The following KCTD13 variants were observed in gnomAD, a reference collection of about 807,000 sequenced individuals.
The protein encoded by KCTD13 is potassium channel tetramerization domain containing 13, also known as BTB/POZ domain-containing adapter for CUL3-mediated RhoA degradation protein 1.
In KCTD13, 15 loss-of-function variants were observed where a neutral mutation model predicts 32.3. The ratio of observed to expected loss-of-function variants is 0.46; its 90% CI spans 0.31 to 0.71. KCTD13 has a LOEUF of 0.71. Among genes scored for constraint, KCTD13 ranks in the 30% least tolerant of loss-of-function variants. The pLI, the probability that KCTD13 is intolerant of heterozygous loss-of-function variation, is 0.05. For missense variants in KCTD13, 337 were observed against 452.6 expected (o/e 0.74, Z 2.32); for synonymous variants, 189 against 200.1 (o/e 0.94, Z 0.47).
chr16:29,918,132 TGAAGA>T (rs2068841983), intron 2 of KCTD13, among the ~76,000 whole-genome samples: 1 of 152,208 alleles, frequency 6.6e-6, no homozygotes, highest in Admixed American at 6.5e-5. Context: ...GTAATAATGT[TGAAGA>T]GAAAAGACTT....
chr16:29,908,406 AC>A (rs1393056031), intron 5 of KCTD13, among the ~76,000 whole-genome samples: 1 of 151,920 alleles, frequency 6.6e-6, no homozygotes, highest in Non-Finnish European at 1.5e-5. Context: ...TTTTCCTGAG[AC>A]AGAGTCTTGC....
Position 29,923,382 on chromosome 16 carries a change from G to T in KCTD13, c.245-23C>A, listed in dbSNP as rs1047722990. 5 of 1,606,328 alleles carry T rather than the reference G, an allele frequency of 3.1e-6. No homozygotes were observed. In the Admixed American group the frequency reaches 5.1e-5, roughly 16 times the overall value. On this transcript the variant is annotated intron_variant, in intron 1 of 5. Transcript: ENST00000568000. The stretch of plus-strand genomic sequence containing the variant: ...AACCTAGTGGGGTGGGGAGAGGCAG[G>T]GGGAAAGATGGCTTTGCTGCGGGAC...
At position 29,911,867 on chromosome 16, in the gene KCTD13, G is replaced by A. The variant is rs758983344; in HGVS notation, c.505C>T (p.Pro169Ser). 1.2e-5 allele frequency: 19 copies of A among 1,612,160 alleles called. No homozygotes were observed. Among genetic ancestry groups the A allele is most frequent in the Non-Finnish European group, 1.6e-5 (19 of 1,179,112 alleles). ...EQQLLASTSK[P>S]VVKLLHNRSN... is the part of the protein sequence containing the mutation. Reference sequence around the variant, plus strand: ...CGGTTGTGCAGGAGCTTCACCACGGGCTGGCGGGGGAGAGAGGATGGACGA... The same window carrying A: ...CGGTTGTGCAGGAGCTTCACCACGGACTGGCGGGGGAGAGAGGATGGACGA... Residue 169 changes from proline to serine, a missense_variant and splice_region_variant, in exon 4 of 6, where the codon CCC (proline) becomes TCC (serine). Pro to Ser is a moderately conservative substitution (Grantham distance 74). Coordinates refer to ENST00000568000, the MANE Select transcript of KCTD13 (RefSeq NM_178863.5).
Position 29,906,733 on chromosome 16 carries a change from T to C in KCTD13, c.*139A>G. ...TGGGATGGGTGGAGAAGGGCCAAAGTGAGCTGTGCCATGCAATGAAGGGAC... is the reference window on the plus strand; with the variant it reads ...TGGGATGGGTGGAGAAGGGCCAAAGCGAGCTGTGCCATGCAATGAAGGGAC... On this transcript the variant is annotated 3_prime_UTR_variant, in exon 6 of 6. Coordinates refer to ENST00000568000, the MANE Select transcript of KCTD13 (RefSeq NM_178863.5). 1.4e-6 allele frequency: 1 copy of C among 717,728 alleles called. No homozygotes were observed. The highest frequency in any genetic ancestry group is 2.7e-5 in the East Asian group (1 of 37,072). 44.5% of individuals were successfully genotyped at this position (717,728 alleles called of 1,614,324 possible).
chr16:29,909,050 G>GATTC (rs35566440), intron 5 of KCTD13, among the ~76,000 whole-genome samples: 45,862 of 151,190 alleles, frequency 0.3, 8,673 homozygotes, highest in Non-Finnish European at 0.43. Flanking sequence ...CTGGGTCACT[G>GATTC]ATTCATTCAT....
Position 29,925,898 on chromosome 16 carries a change from T to C in KCTD13, c.136A>G (p.Asn46Asp). 6.2e-7 allele frequency: 1 copy of C among 1,614,056 alleles called. No homozygotes were observed. The highest frequency in any genetic ancestry group is 8.5e-7 in the Non-Finnish European group (1 of 1,179,964). Residue 46 changes from asparagine to aspartate, a missense_variant, in exon 1 of 6, where the codon AAC becomes GAC. This residue lies in a region of KCTD13 where 21 missense variants were observed against 52.7 expected (regional missense o/e 0.40). Transcript: ENST00000568000. ...LTPNSKYVKL[N>D]VGGSLHYTTL... is the part of the protein sequence containing the mutation. ...GTGTAGTGCAACGAGCCGCCCACGT[T>C]CAGCTTCACGTATTTGCTGTTCGGG...
rs116402273 is a variant in KCTD13, at chr16:29,910,044, G to A, written c.753+934C>T. ...AATCTGGGAGGCAGAGGTTAAGTGA[G>A]CTGAGATCACACCATTGCACTGCAG... On this transcript the variant is annotated intron_variant, in intron 5 of 5. Transcript: ENST00000568000. 3.6e-3 allele frequency among the ~76,000 whole-genome samples: 536 copies of A among 149,986 alleles called. 7 individuals are homozygous for A. The highest frequency in any genetic ancestry group is 0.011 in the African/African-American group (460 of 40,624).
intron 1 of KCTD13, among the ~76,000 whole-genome samples, chr16:29,925,191 G>A (rs1387450812): frequency 6.6e-6 from 1 of 152,130 alleles, no homozygotes; most frequent in Non-Finnish European, 1.5e-5. Context: ...CTCCAAGAAG[G>A]TAAGGTTCAC....
chr16:29,910,908 C>T (rs1341335360), intron 5 of KCTD13, 70 bp downstream of exon 5: 3 of 1,467,082 alleles, frequency 2.0e-6, no homozygotes, highest in Non-Finnish European at 2.8e-6. Context: ...CCCCTGCCAA[C>T]CTGCTTTTGT....
At chr16:29,923,829 G>C (rs1456234794) in intron 1 of KCTD13, among the ~76,000 whole-genome samples, 3 of 151,790 alleles carry the variant, frequency 2.0e-5, no homozygotes, top group Admixed American at 2.0e-4. Context: ...ACTCCAGCCT[G>C]GGTAATAAGA....
chr16:29,907,146 G>A (rs1359550490), intron 5 of KCTD13, 38 bp from the exon 6 acceptor site: 5 of 1,465,198 alleles, frequency 3.4e-6, no homozygotes, highest in Non-Finnish European at 4.7e-6. Flanking sequence ...CTTCCTTCTG[G>A]TGCAGTCACG....
At chr16:29,923,728 G>T (rs554891427) in intron 1 of KCTD13, among the ~76,000 whole-genome samples, 17 of 151,778 alleles carry the variant, frequency 1.1e-4, no homozygotes, top group African/African-American at 3.9e-4. Flanking sequence ...GGGCTTGGTG[G>T]CTGGTGCCAG....
intron 2 of KCTD13, chr16:29,922,343 T>A (rs2150845055): frequency 6.6e-6 from 1 of 152,252 alleles, no homozygotes; most frequent in South Asian, 2.1e-4. Context: ...AAAAAGAAAC[T>A]TTTATAATCT....
At position 29,911,011 on chromosome 16, in the gene KCTD13, G is replaced by A; in HGVS notation, c.720C>T (p.Ser240=). Residue 240 remains serine (S), a synonymous_variant, in exon 5 of 6, where the codon TCC becomes TCT. Coordinates refer to ENST00000568000, the MANE Select transcript of KCTD13 (RefSeq NM_178863.5). ...GCTTCTTCTCCGTAGCATAGACAAT[G>A]GAGGTGCAGCACACCTCGGCGATTT... The part of the protein sequence containing the change: ...GRKIAEVCCT[S]IVYATEKKQT... 6.2e-7 allele frequency: 1 copy of A among 1,614,130 alleles called. No individual in the cohort carries two copies. Among genetic ancestry groups the A allele is most frequent in the Non-Finnish European group, 8.5e-7 (1 of 1,180,004 alleles).
At chr16:29,921,299 G>T (rs755837071) in intron 2 of KCTD13, 6 of 152,126 alleles carry the variant, frequency 3.9e-5, no homozygotes, top group Non-Finnish European at 8.8e-5. Flanking sequence ...TGAAGGGAAA[G>T]AAATAAAACT....
At chr16:29,925,568 A>AGT in intron 1 of KCTD13, 1 of 575,646 alleles carries the variant, frequency 1.7e-6, no homozygotes, top group Middle Eastern at 4.6e-4. Context: ...GGGTTCCGTA[A>AGT]GTGTTGGTTA....
At chr16:29,922,795 C>T (rs1187244459) in intron 2 of KCTD13, 6 of 396,232 alleles carry the variant, frequency 1.5e-5, no homozygotes, top group South Asian at 2.8e-4. Context: ...AGGGCCAGAT[C>T]GCAGAGGTTA....
intron 1 of KCTD13, among the ~76,000 whole-genome samples, chr16:29,923,619 T>C (rs571674771): frequency 1.3e-5 from 2 of 152,086 alleles, no homozygotes; most frequent in Admixed American, 1.3e-4. Context: ...CCCAGCACCT[T>C]AGGAGGCTGA....
intron 1 of KCTD13, among the ~76,000 whole-genome samples, chr16:29,924,861 G>A (rs1001614493): frequency 1.3e-5 from 2 of 151,994 alleles, no homozygotes; most frequent in African/African-American, 4.8e-5. Context: ...TGGGCTACAG[G>A]CGCACACCAC....
Sources: gnomAD v4.1 joint callset for allele counts (sites outside exome capture counted in the v4.1 genomes callset) on GRCh38, gnomAD v4.1.1 for gene constraint, gnomAD v4.1.1 regional missense constraint, MANE v1.5 for transcripts, NCBI Gene and HGNC (gene_info 2026-07-23, HGNC 2026-07-21) for gene names.